Variants in FMO5 observed in about 807,000 individuals in gnomAD.
The protein encoded by FMO5 is flavin containing dimethylaniline monoxygenase 5.
Under a neutral mutation model 43.6 loss-of-function variants are expected in FMO5, and 51 were observed. The observed-to-expected ratio is 1.17, with a 90% CI of 0.93 to 1.48. The LOEUF (loss-of-function observed/expected upper bound fraction) is 1.48, where lower values mean the gene tolerates loss of function less well. Ranked by LOEUF, FMO5 falls within the 40% of genes most tolerant of loss-of-function variation. The pLI, the probability that FMO5 is intolerant of heterozygous loss-of-function variation, is 0.00. For synonymous variants in FMO5, 187 were observed against 216.5 expected, an observed-to-expected ratio of 0.86 and a Z score of 1.20; for missense variants, 644 against 643.0, an observed-to-expected ratio of 1.00 and a Z score of -0.02.
intron 5 of FMO5, among the ~76,000 whole-genome samples, chr1:147,209,317 A>G (rs28381194): frequency 0.037 from 5,608 of 151,548 alleles, 151 homozygotes; most frequent in South Asian, 0.096. Context: ...AGGTGCCTGT[A>G]GTCCCAGCTA....
chr1:147,210,476 G>A (rs1553923544), intron 5 of FMO5: 1 of 152,130 alleles, frequency 6.6e-6, no homozygotes, highest in Non-Finnish European at 1.5e-5. Flanking sequence ...TCTACAGAGG[G>A]ATAATTGTTT....
At chr1:147,222,587 A>C (rs1380253808) in intron 2 of FMO5, among the ~76,000 whole-genome samples, 1 of 152,204 alleles carries the variant, frequency 6.6e-6, no homozygotes, top group South Asian at 2.1e-4. Context: ...GCTTTAAAAA[A>C]TGGAGATAGT....
In FMO5 at chr1:147,201,411, C is replaced by T. The variant is rs782409876; in HGVS notation, c.924G>A (p.Thr308=). The T allele has an allele frequency of 2.0e-5, 33 of 1,614,010 alleles. No individual in the cohort carries two copies. Among genetic ancestry groups the T allele is most frequent in the African/African-American group, 8.0e-5 (6 of 74,920 alleles). The part of the protein sequence containing the change: ...VKVKGNVKEF[T]ETAAIFEDGS... ...CATCCTCAAATATGGCAGCTGTCTCCGTGAATTCCTTCACATTTCCTTTCA... is the reference window on the plus strand; with the variant it reads ...CATCCTCAAATATGGCAGCTGTCTCTGTGAATTCCTTCACATTTCCTTTCA... The change falls in exon 7 of 9, where the codon ACG becomes ACA. Residue 308 remains threonine, a synonymous_variant. Transcript: ENST00000254090.
At chr1:147,191,783 C>G (rs1553918555) in intron 7 of FMO5, among the ~76,000 whole-genome samples, 1 of 151,996 alleles carries the variant, frequency 6.6e-6, no homozygotes, top group African/African-American at 2.4e-5. Context: ...TTCCCCATTT[C>G]TTGTTTTTGT....
chr1:147,197,563 G>A (rs1166789367), intron 7 of FMO5, among the ~76,000 whole-genome samples: 1 of 152,030 alleles, frequency 6.6e-6, no homozygotes, highest in Non-Finnish European at 1.5e-5. Context: ...ATGATACTGA[G>A]TGAGTTCTCA....
chr1:147,226,953 C>T (rs1664023106), upstream of FMO5, among the ~76,000 whole-genome samples: 1 of 152,018 alleles, frequency 6.6e-6, no homozygotes, highest in South Asian at 2.1e-4. Context: ...CCACCTCAGC[C>T]TTCTGAGTAG....
intron 6 of FMO5, chr1:147,204,048 T>C (rs1275674644): frequency 9.4e-6 from 11 of 1,168,862 alleles, no homozygotes; most frequent in African/African-American, 1.5e-5. Flanking sequence ...TCTGCCACTT[T>C]GCCACCTGTT....
Position 147,186,406 on chromosome 1 carries a change from C to T in FMO5, c.*494G>A. 1 of 900,804 alleles carries T rather than the reference C, an allele frequency of 1.1e-6. No homozygotes were observed. Among genetic ancestry groups the T allele is most frequent in the Non-Finnish European group, 1.3e-6 (1 of 752,988 alleles). 55.8% of individuals were successfully genotyped at this position (900,804 alleles called of 1,614,324 possible). On this transcript the variant is annotated 3_prime_UTR_variant, in exon 9 of 9. Transcript: ENST00000254090. ...TATGTCTTATCTTAGATACATACAACTATTGTAGGAACATTATTTCTCTTA... is the reference window on the plus strand; with the variant it reads ...TATGTCTTATCTTAGATACATACAATTATTGTAGGAACATTATTTCTCTTA...
chr1:147,187,089 G>C lies in FMO5; in HGVS notation c.1413C>G (p.Ile471Met). 2 of 1,614,130 alleles carry C rather than the reference G, an allele frequency of 1.2e-6. No individual in the cohort carries two copies. The highest frequency in any genetic ancestry group is 1.7e-6 in the Non-Finnish European group (2 of 1,180,032). Residue 471 changes from isoleucine (I) to methionine (M), a missense_variant, in exon 9 of 9, where the codon ATC (isoleucine) becomes ATG (methionine). Coordinates refer to ENST00000254090, the MANE Select transcript of FMO5 (RefSeq NM_001461.4). ...TTCCAGGGCCCTGTACACGATAGTG[G>C]ATTGGAGTGCAGGGTCCCAGTAATA... ...LHLLLGPCTP[I>M]HYRVQGPGKW...
downstream of FMO5, chr1:147,184,385 T>C: frequency 2.5e-6 from 3 of 1,197,028 alleles, no homozygotes; most frequent in Non-Finnish European, 3.3e-6. This position sits in a 1 kb window ranked among gnomAD's most constrained non-coding sequence, Gnocchi z 4.4. Context: ...CCAATATTGA[T>C]ACATTATTAA....
chr1:147,200,063 G>A (rs942827788), intron 7 of FMO5, among the ~76,000 whole-genome samples: 2 of 151,922 alleles, frequency 1.3e-5, no homozygotes, highest in Admixed American at 6.6e-5. Context: ...CTCCTGCCCC[G>A]GCCCAGTGAG....
chr1:147,215,975 G>A (rs368702149), intron 2 of FMO5, 33 bp from the exon 3 acceptor site: 5 of 1,511,866 alleles, frequency 3.3e-6, no homozygotes, highest in Admixed American at 1.9e-5. Context: ...ATAGCAACTT[G>A]AGGATCATCT....
chr1:147,202,512 G>T (rs972670436), intron 6 of FMO5, among the ~76,000 whole-genome samples: 2 of 151,786 alleles, frequency 1.3e-5, no homozygotes, highest in East Asian at 3.9e-4. Context: ...TAGAGACAGG[G>T]TTTCACCATG....
chr1:147,215,508 G>T (rs782744539), intron 3 of FMO5: 2 of 451,964 alleles, frequency 4.4e-6, no homozygotes, highest in Non-Finnish European at 7.8e-6. Context: ...AATGTGAAAT[G>T]AAGGTAATGA....
In FMO5 at chr1:147,186,601, A is replaced by T. The variant is rs587737883; in HGVS notation, c.*299T>A. 2.7e-6 allele frequency: 3 copies of T among 1,093,686 alleles called. No homozygotes were observed. In the African/African-American group the frequency reaches 5.1e-5, roughly 19 times the overall value. 67.7% of individuals were successfully genotyped at this position (1,093,686 alleles called of 1,614,324 possible). A position where few individuals can be genotyped will look rare whatever the true frequency, so the allele number is the denominator to read the frequency against. ...GATAAACAACAAACATTTATTAAGC[A>T]CCTACCACATGTCAAGAACTCTGCT... On this transcript the variant is annotated 3_prime_UTR_variant, in exon 9 of 9. Coordinates refer to ENST00000254090, the MANE Select transcript of FMO5 (RefSeq NM_001461.4).
At chr1:147,210,618 G>A (rs139199889) in intron 5 of FMO5, 38 of 152,244 alleles carry the variant, frequency 2.5e-4, no homozygotes, top group Non-Finnish European at 4.0e-4. Context: ...TATAACTTCT[G>A]CTGAGTAATG....
rs587689214 is a variant in FMO5 at position 147,200,593 on chromosome 1, C to T, written c.1183+559G>A. On this transcript the variant is annotated intron_variant, in intron 7 of 8. Coordinates refer to ENST00000254090, the MANE Select transcript of FMO5 (RefSeq NM_001461.4). ...ACTGACTCATATGAAACCTATTCCC[C>T]TTTTTTTTTCATATATTCCTAGCCA... is the stretch of plus-strand genomic sequence containing the variant. Among the ~76,000 whole-genome samples the T allele has an allele frequency of 1.1e-3, 164 of 149,898 alleles. 1 individual carries two copies. The highest frequency in any genetic ancestry group is 3.7e-3 in the African/African-American group (151 of 40,876).
downstream of FMO5, among the ~76,000 whole-genome samples, chr1:147,185,490 A>T (rs949861776): frequency 2.4e-4 from 36 of 152,162 alleles, no homozygotes; most frequent in Admixed American, 9.2e-4. Flanking sequence ...AAGTAATACC[A>T]GTTCTCAGTT....
At chr1:147,184,543 G>A, downstream of FMO5, 1 of 1,548,124 alleles carries the variant, frequency 6.5e-7, no homozygotes, top group Non-Finnish European at 8.7e-7. The surrounding 1 kb of genome is among the most constrained non-coding windows in gnomAD (Gnocchi z 4.4). Flanking sequence ...GACTTTCTTT[G>A]TTGATGATCT....
Sources: gnomAD v4.1 joint callset for allele counts (sites outside exome capture counted in the v4.1 genomes callset) on GRCh38, gnomAD v4.1.1 for gene constraint, Gnocchi (gnomAD v3.1) non-coding constraint, MANE v1.5 for transcripts, NCBI Gene and HGNC (gene_info 2026-07-23, HGNC 2026-07-21) for gene names.